SUMF1: variants seen among roughly 807,000 people sequenced by gnomAD.
SUMF1 encodes the protein sulfatase modifying factor 1.
Under a neutral mutation model 47.6 loss-of-function variants are expected in SUMF1, and 48 were observed. That is an observed-to-expected ratio of 1.01 (90% CI 0.80 to 1.28). The LOEUF (loss-of-function observed/expected upper bound fraction) is 1.28, where lower values mean the gene tolerates loss of function less well. SUMF1 is among the 50% of genes most tolerant of loss of function. The pLI, the probability that SUMF1 is intolerant of heterozygous loss-of-function variation, is 0.00. For synonymous variants in SUMF1, 230 were observed against 192.1 expected (o/e 1.20, Z -1.63); for missense variants, 571 against 485.4 (o/e 1.18, Z -1.66).
chr3:4,337,723 T>A (rs1559231640), intron 8 of SUMF1, among the ~76,000 whole-genome samples: 1 of 152,238 alleles, frequency 6.6e-6, no homozygotes, highest in Admixed American at 6.5e-5. Flanking sequence ...ATTTCTCCTA[T>A]CCTGCATTGA....
At chr3:4,135,025 C>T (rs928821758) in intron 8 of SUMF1, among the ~76,000 whole-genome samples, 2 of 152,108 alleles carry the variant, frequency 1.3e-5, no homozygotes, top group Non-Finnish European at 2.9e-5. Flanking sequence ...GGATTCACAG[C>T]CGAATTCTAC....
At chr3:4,067,903 G>C (rs1013064476) in intron 9 of SUMF1, among the ~76,000 whole-genome samples, 1 of 152,152 alleles carries the variant, frequency 6.6e-6, no homozygotes. Flanking sequence ...AGAGGGCAAA[G>C]ATATTCAGCT....
intron 8 of SUMF1, among the ~76,000 whole-genome samples, chr3:4,242,261 C>A (rs1415555127): frequency 6.6e-6 from 1 of 152,128 alleles, no homozygotes; most frequent in Non-Finnish European, 1.5e-5. Context: ...ATTGAATACA[C>A]TTTATTTCTT....
chr3:4,147,552 G>T (rs1304449490), intron 8 of SUMF1, among the ~76,000 whole-genome samples: 1 of 152,110 alleles, frequency 6.6e-6, no homozygotes, highest in Non-Finnish European at 1.5e-5. Flanking sequence ...GATAATAAAT[G>T]TCTCACCTAA....
chr3:4,449,189 T>C (rs750974936), intron 3 of SUMF1, 77 bp downstream of exon 3: 59 of 1,475,364 alleles, frequency 4.0e-5, no homozygotes, highest in Non-Finnish European at 5.4e-5. Flanking sequence ...AGGTGACACA[T>C]GTGGTTTGGA....
intron 3 of SUMF1, among the ~76,000 whole-genome samples, 163 bp from the exon 4 acceptor site, chr3:4,420,309 A>T (rs1000465259): frequency 6.6e-6 from 1 of 152,226 alleles, no homozygotes; most frequent in Non-Finnish European, 1.5e-5. Context: ...TATGTAAATA[A>T]ATCTTTAACA....
intron 8 of SUMF1, among the ~76,000 whole-genome samples, chr3:4,146,685 C>G (rs1313354610): frequency 6.6e-6 from 1 of 151,690 alleles, no homozygotes; most frequent in East Asian, 1.9e-4. Context: ...ATCCCTCCCC[C>G]TTCCCCCCAC....
chr3:4,366,048 A>C (rs1175725161), intron 8 of SUMF1, among the ~76,000 whole-genome samples: 1 of 151,076 alleles, frequency 6.6e-6, no homozygotes. Context: ...ATTGGCCCCC[A>C]CTCTCTTCTG....
At chr3:4,158,168 T>G (rs865815398) in intron 8 of SUMF1, among the ~76,000 whole-genome samples, 1 of 151,540 alleles carries the variant, frequency 6.6e-6, no homozygotes, top group African/African-American at 2.4e-5. Flanking sequence ...CTTATTATGG[T>G]CTAGATGATT....
At chr3:4,064,065 G>C (rs1412094999) in intron 9 of SUMF1, among the ~76,000 whole-genome samples, 1 of 152,108 alleles carries the variant, frequency 6.6e-6, no homozygotes, top group African/African-American at 2.4e-5. Flanking sequence ...ATTTGAACCA[G>C]AGTGACTTCA....
chr3:4,240,817 T>C (rs1431181401), intron 8 of SUMF1, among the ~76,000 whole-genome samples: 1 of 151,878 alleles, frequency 6.6e-6, no homozygotes, highest in Non-Finnish European at 1.5e-5. Flanking sequence ...TTTTTATATG[T>C]TTTTATATAA....
At chr3:4,388,758 G>A (rs1053442367) in intron 7 of SUMF1, among the ~76,000 whole-genome samples, 30 of 152,062 alleles carry the variant, frequency 2.0e-4, no homozygotes, top group African/African-American at 6.5e-4. Flanking sequence ...GCTGCTAAAA[G>A]GTGTATGCAT....
At chr3:4,398,184 AC>A (rs950674403) in intron 7 of SUMF1, among the ~76,000 whole-genome samples, 1 of 152,022 alleles carries the variant, frequency 6.6e-6, no homozygotes, top group African/African-American at 2.4e-5. Flanking sequence ...ATGTATGTAA[AC>A]CCACCGAGGT....
chr3:4,352,755 G>T (rs1575121730), intron 8 of SUMF1, among the ~76,000 whole-genome samples: 1 of 138,938 alleles, frequency 7.2e-6, no homozygotes, highest in Admixed American at 7.1e-5. Context: ...AAAAAAAAAA[G>T]GGTGACAACC....
At chr3:4,072,199 T>G (rs992181306) in intron 8 of SUMF1, among the ~76,000 whole-genome samples, 13 of 152,232 alleles carry the variant, frequency 8.5e-5, no homozygotes, top group Middle Eastern at 3.4e-3. Flanking sequence ...TGCAGCTAAG[T>G]GGCCTGACTG....
At chr3:4,429,623 G>A (rs531570689) in intron 3 of SUMF1, among the ~76,000 whole-genome samples, 3 of 152,286 alleles carry the variant, frequency 2.0e-5, no homozygotes, top group African/African-American at 7.2e-5. Context: ...AGGGGCTCTT[G>A]TTGCAAAGGC....
intron 8 of SUMF1, among the ~76,000 whole-genome samples, chr3:4,150,427 A>C (rs2629267): frequency 0.31 from 46,615 of 151,138 alleles, 7,783 homozygotes; most frequent in East Asian, 0.4. Flanking sequence ...CCAGGTGTAG[A>C]GGCAGGTGCC....
intron 1 of SUMF1, 107 bp from the exon 2 acceptor site, chr3:4,453,156 A>G: frequency 8.8e-7 from 1 of 1,138,352 alleles, no homozygotes; most frequent in Admixed American, 2.0e-5. Flanking sequence ...GTAAATCTTC[A>G]CCACAGTAAT....
chr3:4,241,299 G>T lies in SUMF1; in HGVS notation c.1014+135031C>A, dbSNP rs552725126. 2.6e-4 allele frequency among the ~76,000 whole-genome samples: 40 copies of T among 152,198 alleles called. 1 individual carries two copies. Among genetic ancestry groups the T allele is most frequent in the African/African-American group, 9.4e-4 (39 of 41,548 alleles). ...ATCTGATGCTTCTCATGTATCTTCA[G>T]TTCAGGATAAGGGGCTACCAAATAA... On this transcript the variant is annotated intron_variant and NMD_transcript_variant, in intron 8 of 12. Transcript: ENST00000448413.
Sources: allele counts gnomAD v4.1 joint callset (sites outside exome capture counted in the v4.1 genomes callset), GRCh38; gene constraint gnomAD v4.1.1; transcripts MANE v1.5; gene names NCBI Gene and HGNC (gene_info 2026-07-23, HGNC 2026-07-21).